LTBP1: variants seen among roughly 807,000 people sequenced by gnomAD.
LTBP1 encodes latent transforming growth factor beta binding protein 1.
A neutral mutation model predicts 207.6 loss-of-function variants in LTBP1; 129 were observed. The observed-to-expected ratio is 0.62, with a 90% CI of 0.54 to 0.72. LTBP1 has a LOEUF of 0.72. Ranked by LOEUF, LTBP1 falls within the 30% of genes least tolerant of loss-of-function variation. The pLI is 0.00. For missense variants in LTBP1, 2,281 were observed against 2,217.2 expected, an observed-to-expected ratio of 1.03 and a Z score of -0.58; for synonymous variants, 963 against 833.7, an observed-to-expected ratio of 1.16 and a Z score of -2.67.
intron 31 of LTBP1, among the ~76,000 whole-genome samples, chr2:33,366,713 T>C (rs1239747299): frequency 6.6e-6 from 1 of 152,164 alleles, no homozygotes; most frequent in Non-Finnish European, 1.5e-5. Context: ...TCTGTCCTGT[T>C]GGGTTGTTGC....
chr2:33,117,197 G>A (rs924943390), intron 4 of LTBP1, among the ~76,000 whole-genome samples: 1 of 152,154 alleles, frequency 6.6e-6, no homozygotes, highest in Admixed American at 6.5e-5. Flanking sequence ...TGGCCTGATC[G>A]CAGTCCATAG....
At chr2:33,223,952 A>G (rs1573281370) in intron 9 of LTBP1, among the ~76,000 whole-genome samples, 1 of 152,332 alleles carries the variant, frequency 6.6e-6, no homozygotes, top group South Asian at 2.1e-4. Context: ...ACCTAATAAC[A>G]GGGGACACTT....
intron 3 of LTBP1, among the ~76,000 whole-genome samples, chr2:33,045,139 T>C (rs545793745): frequency 2.6e-5 from 4 of 152,364 alleles, no homozygotes; most frequent in African/African-American, 9.6e-5. Context: ...TTGTCAATTT[T>C]GGCTTCTGTT....
At chr2:33,078,862 C>CTTTT (rs34843933) in intron 3 of LTBP1, among the ~76,000 whole-genome samples, 12,740 of 105,806 alleles carry the variant, frequency 0.12, 1,202 homozygotes, top group Non-Finnish European at 0.14. Context: ...CTTTTCTTTT[C>CTTTT]TTTTTTTTTT....
intron 3 of LTBP1, among the ~76,000 whole-genome samples, chr2:33,027,345 A>G (rs901428005): frequency 3.3e-5 from 5 of 152,166 alleles, no homozygotes; most frequent in African/African-American, 7.2e-5. Flanking sequence ...CATAGTTACC[A>G]TTTTTGGTTT....
At chr2:33,113,948 C>G (rs1401032481) in intron 4 of LTBP1, among the ~76,000 whole-genome samples, 1 of 152,234 alleles carries the variant, frequency 6.6e-6, no homozygotes, top group African/African-American at 2.4e-5. Context: ...TCAAGTGATT[C>G]TCCTGCCTCA....
Position 33,186,854 on chromosome 2 carries a change from A to G in LTBP1, c.1202-2A>G. Reference sequence around the variant, plus strand: ...CTCCATGTTTTCTCTTTTCCCTTTTAGTAATTTGCCATCTTCCATGTATGA... The same window carrying G: ...CTCCATGTTTTCTCTTTTCCCTTTTGGTAATTTGCCATCTTCCATGTATGA... On this transcript the variant is annotated splice_acceptor_variant, in intron 5 of 33. Transcript: ENST00000404816. LOFTEE classifies it high-confidence loss of function. The G allele has an allele frequency of 6.2e-7, 1 of 1,610,776 alleles. No individual in the cohort carries two copies.
At chr2:33,240,997 A>T (rs1005906342) in intron 9 of LTBP1, among the ~76,000 whole-genome samples, 1 of 152,314 alleles carries the variant, frequency 6.6e-6, no homozygotes. Context: ...CCACAAGTAG[A>T]TATGCAAAAA....
chr2:33,003,889 A>G (rs1686399578), intron 2 of LTBP1, among the ~76,000 whole-genome samples: 1 of 152,178 alleles, frequency 6.6e-6, no homozygotes, highest in South Asian at 2.1e-4. Context: ...ACACAAAAAC[A>G]TATTTCTGCA....
At chr2:33,205,107 G>A (rs2089731254) in intron 7 of LTBP1, among the ~76,000 whole-genome samples, 1 of 152,130 alleles carries the variant, frequency 6.6e-6, no homozygotes, top group Non-Finnish European at 1.5e-5. Flanking sequence ...CAGGCCATAT[G>A]GACAGATCAA....
chr2:32,979,844 T>TTA (rs1296076544), intron 2 of LTBP1, among the ~76,000 whole-genome samples: 2 of 152,192 alleles, frequency 1.3e-5, no homozygotes, highest in Non-Finnish European at 2.9e-5. Context: ...AATATTTGCT[T>TTA]TATATATCTG....
chr2:33,173,351 C>G (rs1451484466), intron 5 of LTBP1, among the ~76,000 whole-genome samples: 3 of 152,014 alleles, frequency 2.0e-5, no homozygotes, highest in African/African-American at 4.8e-5. Context: ...GAAATACAAA[C>G]TACCATCAGA....
At chr2:33,281,595 G>C (rs1283792143) in intron 19 of LTBP1, among the ~76,000 whole-genome samples, 1 of 152,136 alleles carries the variant, frequency 6.6e-6, no homozygotes, top group Non-Finnish European at 1.5e-5. Context: ...CAGTTTTAAA[G>C]CTTTAGTCTC....
intron 5 of LTBP1, among the ~76,000 whole-genome samples, chr2:33,137,232 A>AT (rs1454569155): frequency 1.3e-4 from 20 of 152,134 alleles, no homozygotes; most frequent in African/African-American, 4.8e-4. Flanking sequence ...TGATTTTCTG[A>AT]TTTTTTTCTT....
intron 7 of LTBP1, among the ~76,000 whole-genome samples, chr2:33,196,581 G>C (rs2088598499): frequency 6.6e-6 from 1 of 152,100 alleles, no homozygotes; most frequent in Non-Finnish European, 1.5e-5. Flanking sequence ...TCAAGCATCA[G>C]GATTGCGTTA....
At chr2:33,331,930 T>G (rs1002805300) in intron 24 of LTBP1, among the ~76,000 whole-genome samples, 1 of 152,160 alleles carries the variant, frequency 6.6e-6, no homozygotes, top group Non-Finnish European at 1.5e-5. Flanking sequence ...CCTCCTAACT[T>G]AAATATGTGT....
At chr2:33,190,794 G>A (rs1421084419) in intron 7 of LTBP1, among the ~76,000 whole-genome samples, 1 of 152,128 alleles carries the variant, frequency 6.6e-6, no homozygotes, top group South Asian at 2.1e-4. Flanking sequence ...GGACAGCATC[G>A]ATCCCACAAA....
rs866927424 is a variant in LTBP1, at chr2:33,186,934, G to A, written c.1280G>A (p.Gly427Glu). ...DKCQCPPNFTGKLCQIPVHGA... is the reference protein window; with the variant it reads ...DKCQCPPNFTEKLCQIPVHGA... The stretch of plus-strand genomic sequence containing the variant: ...TGTCAGTGCCCTCCAAATTTCACAG[G>A]AAAACTTTGTCAGATCCCAGTCCAT... Residue 427 changes from glycine (G) to glutamate (E), a missense_variant, in exon 6 of 34, where the codon GGA becomes GAA. Transcript: ENST00000404816. 6.2e-7 allele frequency: 1 copy of A among 1,614,154 alleles called. No homozygotes were observed. Among genetic ancestry groups the A allele is most frequent in the Non-Finnish European group, 8.5e-7 (1 of 1,180,018 alleles).
chr2:33,259,708 T>A (rs1237078448), intron 13 of LTBP1, 98 bp downstream of exon 13: 17 of 1,111,214 alleles, frequency 1.5e-5, no homozygotes, highest in Non-Finnish European at 2.1e-5. Context: ...TATAGTAACA[T>A]CTCTATTATG....
Sources: allele counts gnomAD v4.1 joint callset (sites outside exome capture counted in the v4.1 genomes callset), GRCh38; gene constraint gnomAD v4.1.1; transcripts MANE v1.5; gene names NCBI Gene and HGNC (gene_info 2026-07-23, HGNC 2026-07-21).